The following GPD2 variants were observed in gnomAD, a reference collection of about 807,000 sequenced individuals.
GPD2 encodes glycerol-3-phosphate dehydrogenase, mitochondrial.
In GPD2, 54 loss-of-function variants were observed where a neutral mutation model predicts 82.4. The ratio of observed to expected loss-of-function variants is 0.66; its 90% CI spans 0.53 to 0.82. The LOEUF (loss-of-function observed/expected upper bound fraction) is 0.82. GPD2 is among the 40% of genes least tolerant of loss of function. The probability of loss-of-function intolerance (pLI) is 0.00; values close to 1 mark genes in which losing one functional copy is unlikely to be tolerated. For synonymous variants in GPD2, 288 were observed against 306.1 expected (o/e 0.94, Z 0.62); for missense variants, 748 against 896.2 (o/e 0.83, Z 2.11).
the GPD2 span, among the ~76,000 whole-genome samples, chr2:156,422,883 A>G: frequency 2.0e-5 from 3 of 152,220 alleles, no homozygotes; most frequent in Non-Finnish European, 4.4e-5. Context: ...AATATTAAAA[A>G]TAAATAAATA....
rs149552935 is a variant in GPD2, at chr2:156,518,583, C to T, written c.661+5087C>T. Among the ~76,000 whole-genome samples the T allele has an allele frequency of 3.9e-4, 59 of 152,132 alleles. 1 individual carries two copies. Among genetic ancestry groups the T allele is most frequent in the Non-Finnish European group, 7.4e-4 (50 of 67,998 alleles). ...TTGTACACTTTAATAAAAGAAAGCCCGGGTTAAAGACAAGTATTTTAAGGT... is the reference window on the plus strand; with the variant it reads ...TTGTACACTTTAATAAAAGAAAGCCTGGGTTAAAGACAAGTATTTTAAGGT... On this transcript the variant is annotated intron_variant, in intron 6 of 16. Transcript: ENST00000438166.
intron 6 of GPD2, among the ~76,000 whole-genome samples, chr2:156,525,494 T>C (rs764641477): frequency 6.6e-6 from 1 of 152,220 alleles, no homozygotes; most frequent in Non-Finnish European, 1.5e-5. Context: ...TTGGTCATTA[T>C]TTCTAGGCCT....
intron 9 of GPD2, 82 bp downstream of exon 9, chr2:156,557,664 T>C (rs1167913665): frequency 4.8e-6 from 4 of 826,676 alleles, no homozygotes; most frequent in African/African-American, 3.3e-5. Context: ...AAATGCTATG[T>C]CTCCAGTCTG....
chr2:156,580,564 A>G (rs1445065709), intron 16 of GPD2, among the ~76,000 whole-genome samples: 1 of 152,200 alleles, frequency 6.6e-6, no homozygotes, highest in Non-Finnish European at 1.5e-5. Flanking sequence ...CTTCTTGGGC[A>G]GGTATTTCAA....
At chr2:156,485,909 G>T (rs1300995535) in intron 2 of GPD2, among the ~76,000 whole-genome samples, 1 of 152,186 alleles carries the variant, frequency 6.6e-6, no homozygotes, top group African/African-American at 2.4e-5. Context: ...GAATTTTATT[G>T]TTAGGGTTAT....
At chr2:156,529,301 T>A in intron 6 of GPD2, among the ~76,000 whole-genome samples, 2 of 149,462 alleles carry the variant, frequency 1.3e-5, no homozygotes, top group African/African-American at 4.9e-5. Context: ...TTTTTTCTTG[T>A]AAATTTGTTT....
At chr2:156,566,994 A>G (rs997367572) in intron 9 of GPD2, among the ~76,000 whole-genome samples, 1 of 151,874 alleles carries the variant, frequency 6.6e-6, no homozygotes, top group East Asian at 1.9e-4. Flanking sequence ...TAATGTGCTT[A>G]TTGAGCATTT....
At chr2:156,467,439 T>C (rs1573898307) in intron 1 of GPD2, among the ~76,000 whole-genome samples, 1 of 152,248 alleles carries the variant, frequency 6.6e-6, no homozygotes, top group Non-Finnish European at 1.5e-5. Context: ...TCTTGCGTTA[T>C]CAGGATAATG....
At chr2:156,504,391 T>C (rs1211502394) in intron 3 of GPD2, among the ~76,000 whole-genome samples, 1 of 151,848 alleles carries the variant, frequency 6.6e-6, no homozygotes, top group Non-Finnish European at 1.5e-5. Flanking sequence ...TAAACTCACC[T>C]TTAAAAAAAA....
chr2:156,496,461 A>G (rs953521574), intron 3 of GPD2, among the ~76,000 whole-genome samples: 1 of 151,998 alleles, frequency 6.6e-6, no homozygotes, highest in African/African-American at 2.4e-5. Flanking sequence ...TTCAGCTCAG[A>G]GGTAAGTCTT....
chr2:156,498,214 T>G (rs1033962487), intron 3 of GPD2, among the ~76,000 whole-genome samples: 1 of 152,216 alleles, frequency 6.6e-6, no homozygotes, highest in Non-Finnish European at 1.5e-5. Flanking sequence ...CATGGCGATA[T>G]GCAAGGTGCT....
chr2:156,549,763 G>A lies in GPD2; in HGVS notation c.817G>A (p.Val273Ile), dbSNP rs756253391. 1.2e-6 allele frequency: 2 copies of A among 1,612,756 alleles called. No individual in the cohort carries two copies. The highest frequency in any genetic ancestry group is 2.2e-5 in the East Asian group (1 of 44,828). The stretch of plus-strand genomic sequence containing the variant: ...TGTGAGCGGCGCACGGTGCAAGGAT[G>A]TCCTCACAGGTATGCCAGGTATCTG... ...VRVSGARCKD[V>I]LTGQEFDVRA... Residue 273 changes from valine to isoleucine, a missense_variant, in exon 7 of 17, where the codon GTC becomes ATC. Transcript: ENST00000438166.
At chr2:156,486,291 G>T (rs1462104260) in intron 2 of GPD2, among the ~76,000 whole-genome samples, 2 of 152,164 alleles carry the variant, frequency 1.3e-5, no homozygotes, top group South Asian at 4.1e-4. Context: ...TCAGGCCTTC[G>T]AGGAGTTTGT....
chr2:156,540,974 C>T (rs1218815682), intron 6 of GPD2, among the ~76,000 whole-genome samples: 1 of 152,206 alleles, frequency 6.6e-6, no homozygotes, highest in Non-Finnish European at 1.5e-5. Context: ...TTATTTTAGG[C>T]AATAACCACA....
chr2:156,453,457 G>T (rs570588663), intron 1 of GPD2, among the ~76,000 whole-genome samples: 23 of 152,302 alleles, frequency 1.5e-4, no homozygotes, highest in African/African-American at 4.8e-4. Flanking sequence ...ACAGTGTAGG[G>T]TGCTTGAGGC....
chr2:156,410,933 T>G, the GPD2 span, among the ~76,000 whole-genome samples: 2 of 152,194 alleles, frequency 1.3e-5, no homozygotes, highest in East Asian at 3.8e-4. Context: ...TTTGGTCAAT[T>G]AACAGAATGT....
chr2:156,575,402 CTTTTT>C (rs35297244), intron 13 of GPD2, among the ~76,000 whole-genome samples: 1 of 91,202 alleles, frequency 1.1e-5, no homozygotes, highest in Non-Finnish European at 2.3e-5. Context: ...CTTTTCTTTT[CTTTTT>C]TTTTTTTTTT....
intron 1 of GPD2, among the ~76,000 whole-genome samples, chr2:156,438,637 ATTCT>A (rs1204548304): frequency 6.6e-6 from 1 of 152,164 alleles, no homozygotes; most frequent in African/African-American, 2.4e-5. Flanking sequence ...CCAAAACTTG[ATTCT>A]TTCTGTTTGT....
intron 1 of GPD2, among the ~76,000 whole-genome samples, chr2:156,447,569 G>GGT (rs1487414296): frequency 2.6e-5 from 4 of 152,030 alleles, no homozygotes; most frequent in African/African-American, 9.7e-5. Flanking sequence ...TCCTGGGCTT[G>GGT]AGCGATTCTC....
Sources: allele counts gnomAD v4.1 joint callset (sites outside exome capture counted in the v4.1 genomes callset), GRCh38; gene constraint gnomAD v4.1.1; transcripts MANE v1.5; gene names NCBI Gene and HGNC (gene_info 2026-07-23, HGNC 2026-07-21).